MADD: variants seen among roughly 807,000 people sequenced by gnomAD.
MADD encodes the protein MAP kinase-activating death domain protein.
Under a neutral mutation model 176.7 loss-of-function variants are expected in MADD, and 109 were observed. That is an observed-to-expected ratio of 0.62 (90% confidence interval 0.53 to 0.72). MADD has a LOEUF of 0.72. Among genes scored for constraint, MADD ranks in the 30% least tolerant of loss-of-function variants. The pLI, the probability that MADD is intolerant of heterozygous loss-of-function variation, is 0.00. For missense variants in MADD, 1,914 were observed against 2,045.5 expected, an observed-to-expected ratio of 0.94 and a Z score of 1.24; for synonymous variants, 771 against 771.3, an observed-to-expected ratio of 1.00 and a Z score of 0.01.
At chr11:47,278,653 T>C (rs1296724307) in intron 6 of MADD, among the ~76,000 whole-genome samples, 21 of 152,180 alleles carry the variant, frequency 1.4e-4, no homozygotes, top group Admixed American at 1.4e-3. Flanking sequence ...TAATTAATTA[T>C]ATGACCATTC....
At chr11:47,275,014 A>G in exon 3 of MADD, 1 of 1,614,234 alleles carries the variant, frequency 6.2e-7, no homozygotes, top group Non-Finnish European at 8.5e-7. Context: ...CTCCCGCAAC[A>G]GTACTCTCAC....
intron 31 of MADD, chr11:47,327,270 A>C (rs993136326): frequency 1.0e-6 from 1 of 994,536 alleles, no homozygotes; most frequent in Non-Finnish European, 1.2e-6. Flanking sequence ...CGTCGCAGGC[A>C]GACTCACTTG....
rs961726428 is a variant in MADD, at chr11:47,328,950, C to G, written c.4660-96C>G. ...TCACGTTTAGCCCAGAGGCCCATGC[C>G]CAGTGTTAGGGCAGGAGTTGCCCAT... is the stretch of plus-strand genomic sequence containing the variant. On this transcript the variant is annotated intron_variant, in intron 32 of 32. Transcript: ENST00000402192. 1.2e-4 allele frequency: 137 copies of G among 1,129,696 alleles called. 2 individuals carry two copies. Among genetic ancestry groups the G allele is most frequent in the Non-Finnish European group, 1.7e-5 (13 of 743,528 alleles). The allele number at this position is 1,129,696 out of a possible 1,614,324, so 70.0% of individuals were successfully genotyped here. A position where few individuals can be genotyped will look rare whatever the true frequency, so the allele number is the denominator to read the frequency against.
At position 47,284,927 on chromosome 11, in the gene MADD, C is replaced by A. The variant is rs938407351; in HGVS notation, c.2158-14C>A. 2 of 1,612,846 alleles carry A rather than the reference C, an allele frequency of 1.2e-6. No individual in the cohort carries two copies. The highest frequency in any genetic ancestry group is 2.2e-5 in the East Asian group (1 of 44,886). On this transcript the variant is annotated splice_polypyrimidine_tract_variant and intron_variant, in intron 12 of 32. Transcript: ENST00000402192. ...GGCACCAGGTAACCACTTTTAATTT[C>A]ATGCGGCCTTTAGGAACCTGCTGAC...
intron 15 of MADD, among the ~76,000 whole-genome samples, chr11:47,287,101 G>A (rs2061232569): frequency 6.6e-6 from 1 of 152,224 alleles, no homozygotes. Flanking sequence ...CGAGGCGGGT[G>A]GATCACGAGG....
intron 4 of MADD, among the ~76,000 whole-genome samples, chr11:47,276,455 G>A (rs568250397): frequency 1.2e-4 from 18 of 152,304 alleles, no homozygotes; most frequent in African/African-American, 4.3e-4. Context: ...CTAATTCTTT[G>A]GAAATATCAG....
Position 47,290,137 on chromosome 11 carries a change from T to G in MADD, c.2944-12T>G. 1 of 1,613,422 alleles carries G rather than the reference T, an allele frequency of 6.2e-7. No homozygotes were observed. Among genetic ancestry groups the G allele is most frequent in the Non-Finnish European group, 8.5e-7 (1 of 1,179,552 alleles). On this transcript the variant is annotated splice_polypyrimidine_tract_variant and intron_variant, in intron 17 of 32. Coordinates refer to ENST00000402192, the Ensembl canonical transcript of MADD. Reference sequence around the variant, plus strand: ...CAATTTGCCAACGCTAGCCCCTGGGTTATTGTTGCAGGAGATCAGTCGGAA... The same window carrying G: ...CAATTTGCCAACGCTAGCCCCTGGGGTATTGTTGCAGGAGATCAGTCGGAA...
At chr11:47,274,026 A>C (rs766544641) in intron 2 of MADD, 50 bp downstream of exon 2, 1 of 1,532,950 alleles carries the variant, frequency 6.5e-7, no homozygotes, top group Non-Finnish European at 9.0e-7. Flanking sequence ...ATAGCCATAA[A>C]ATCTGCAGTT....
At chr11:47,276,674 T>C in intron 4 of MADD, 58 bp from the exon 5 acceptor site, 1 of 1,589,912 alleles carries the variant, frequency 6.3e-7, no homozygotes, top group Non-Finnish European at 8.6e-7. Context: ...TGGAAGCTGT[T>C]TTCTTGTAAA....
chr11:47,319,341 C>T (rs2093931779), intron 27 of MADD, among the ~76,000 whole-genome samples: 1 of 151,892 alleles, frequency 6.6e-6, no homozygotes, highest in Non-Finnish European at 1.5e-5. Context: ...CCATGTTGGC[C>T]AGGATGGTCT....
intron 26 of MADD, among the ~76,000 whole-genome samples, chr11:47,312,383 G>A (rs1284742079): frequency 6.6e-6 from 1 of 151,974 alleles, no homozygotes; most frequent in Non-Finnish European, 1.5e-5. Flanking sequence ...CAAGTAGCTG[G>A]GATTACAGGC....
intron 20 of MADD, 63 bp downstream of exon 22, chr11:47,294,046 A>G: frequency 7.5e-7 from 1 of 1,329,586 alleles, no homozygotes; most frequent in Non-Finnish European, 1.1e-6. Flanking sequence ...TACTTCTTTA[A>G]GTTAAAATAG....
chr11:47,285,524 A>G (rs2059989699), exon 14 of MADD: 2 of 1,614,188 alleles, frequency 1.2e-6, no homozygotes, highest in Non-Finnish European at 1.7e-6. Flanking sequence ...CTCTCGGGCA[A>G]GCTCTCCCAA....
chr11:47,291,182 G>T (rs931954914), intron 19 of MADD, among the ~76,000 whole-genome samples: 1 of 152,078 alleles, frequency 6.6e-6, no homozygotes, highest in African/African-American at 2.4e-5. Flanking sequence ...GCATTTTTGG[G>T]CTATAAAATT....
At chr11:47,276,303 C>G (rs543912525) in intron 4 of MADD, 101 bp downstream of exon 4, 5 of 1,222,736 alleles carry the variant, frequency 4.1e-6, no homozygotes, top group Non-Finnish European at 5.6e-6. Flanking sequence ...ATATTTTTCA[C>G]CTTTTTGTCT....
intron 15 of MADD, 59 bp from the exon 16 acceptor site, chr11:47,288,909 A>C (rs2062912073): frequency 8.3e-6 from 10 of 1,198,878 alleles, no homozygotes; most frequent in Non-Finnish European, 7.2e-6. Flanking sequence ...TGCTCCTCGG[A>C]GGGGTAGAGG....
At chr11:47,286,502 G>A (rs775415351) in exon 15 of MADD, 12 of 1,613,994 alleles carry the variant, frequency 7.4e-6, no homozygotes, top group African/African-American at 4.0e-5. Flanking sequence ...AAAGGTGCCC[G>A]AGAGAAGGCC....
chr11:47,307,308 A>C (rs906546787), intron 22 of MADD, among the ~76,000 whole-genome samples: 70 of 152,326 alleles, frequency 4.6e-4, no homozygotes, highest in African/African-American at 1.3e-3. Context: ...TCGGTCTTGC[A>C]GGAAGCCATT....
chr11:47,282,592 T>A (rs1234342863), exon 9 of MADD: 1 of 1,614,204 alleles, frequency 6.2e-7, no homozygotes, highest in Non-Finnish European at 8.5e-7. Flanking sequence ...CCCCACCAAC[T>A]ATGCCTTTCA....
Sources: allele counts gnomAD v4.1 joint callset (sites outside exome capture counted in the v4.1 genomes callset), GRCh38; gene constraint gnomAD v4.1.1; transcripts MANE v1.5; gene names NCBI Gene and HGNC (gene_info 2026-07-23, HGNC 2026-07-21).